The following ECHDC1 variants were observed in gnomAD, a reference collection of about 807,000 sequenced individuals.
The protein encoded by ECHDC1 is ethylmalonyl-CoA decarboxylase 1.
ECHDC1 carries 29 observed loss-of-function variants against 29.7 expected under a neutral mutation model. That is an observed-to-expected ratio of 0.98 (90% confidence interval 0.73 to 1.33). The LOEUF is 1.33. Ranked by LOEUF, ECHDC1 falls within the 40% of genes most tolerant of loss-of-function variation. The probability of loss-of-function intolerance (pLI) is 0.00; values close to 1 mark genes in which losing one functional copy is unlikely to be tolerated. For missense variants in ECHDC1, 328 were observed against 350.0 expected, an observed-to-expected ratio of 0.94 and a Z score of 0.50; for synonymous variants, 126 against 123.1, an observed-to-expected ratio of 1.02 and a Z score of -0.15.
chr6:127,329,002 A>G lies in ECHDC1; in HGVS notation c.220+1807T>C, dbSNP rs1026712033. On this transcript the variant is annotated intron_variant, in intron 2 of 5. Coordinates refer to ENST00000454859, the MANE Select transcript of ECHDC1 (RefSeq NM_001002030.2). Reference sequence around the variant, plus strand: ...AGATCGCGCCACTGCACTCCAGCCTAGGCGACAGAGTGAGACTCCATCTCA... The same window carrying G: ...AGATCGCGCCACTGCACTCCAGCCTGGGCGACAGAGTGAGACTCCATCTCA... 1.1e-4 allele frequency among the ~76,000 whole-genome samples: 17 copies of G among 152,046 alleles called. No individual in the cohort carries two copies. The East Asian group carries it at 2.3e-3, about 21-fold the overall frequency.
intron 5 of ECHDC1, chr6:127,313,655 G>C: frequency 2.2e-6 from 1 of 450,236 alleles, no homozygotes. Context: ...CTTAGCTAGG[G>C]TCAAGTGTAT....
chr6:127,295,026 G>A (rs1026721652), intron 5 of ECHDC1, among the ~76,000 whole-genome samples: 1 of 151,008 alleles, frequency 6.6e-6, no homozygotes, highest in Non-Finnish European at 1.5e-5. Flanking sequence ...TTGGCTCACT[G>A]CAACCTCTGC....
intron 5 of ECHDC1, among the ~76,000 whole-genome samples, chr6:127,299,050 A>AT (rs1780846606): frequency 9.4e-6 from 1 of 105,884 alleles, no homozygotes; most frequent in Non-Finnish European, 2.2e-5. Context: ...TATTTTTTTT[A>AT]TTTTTTGTGT....
At chr6:127,303,472 G>GC (rs1781211049) in intron 5 of ECHDC1, among the ~76,000 whole-genome samples, 1 of 152,174 alleles carries the variant, frequency 6.6e-6, no homozygotes, top group Non-Finnish European at 1.5e-5. Flanking sequence ...ACCAGCCACA[G>GC]CATTTCCTTA....
intron 5 of ECHDC1, among the ~76,000 whole-genome samples, chr6:127,297,584 T>C (rs1322269869): frequency 6.6e-6 from 1 of 152,164 alleles, no homozygotes; most frequent in Non-Finnish European, 1.5e-5. Flanking sequence ...CTTTTTTCCT[T>C]TGTGTGATTA....
intron 1 of ECHDC1, chr6:127,341,541 C>T (rs550875887): frequency 2.0e-5 from 3 of 152,184 alleles, no homozygotes; most frequent in Admixed American, 6.5e-5. Context: ...AAGCTTTCTT[C>T]GGGGTAAAAC....
At chr6:127,306,865 G>A (rs1018550963) in intron 5 of ECHDC1, among the ~76,000 whole-genome samples, 1 of 152,102 alleles carries the variant, frequency 6.6e-6, no homozygotes, top group African/African-American at 2.4e-5. Context: ...TCCAAGAGCT[G>A]GAGAATACAC....
intron 3 of ECHDC1, among the ~76,000 whole-genome samples, chr6:127,324,896 C>T (rs1783178480): frequency 6.6e-6 from 1 of 152,058 alleles, no homozygotes; most frequent in Non-Finnish European, 1.5e-5. Flanking sequence ...AGACCCAAAT[C>T]CCCCTTACAT....
chr6:127,341,070 T>C (rs1583025922), intron 1 of ECHDC1, among the ~76,000 whole-genome samples: 1 of 152,224 alleles, frequency 6.6e-6, no homozygotes, highest in South Asian at 2.1e-4. Flanking sequence ...ATCACTGAAA[T>C]GCCAATTTTT....
chr6:127,306,949 T>C (rs1781489047), intron 5 of ECHDC1, among the ~76,000 whole-genome samples: 1 of 152,146 alleles, frequency 6.6e-6, no homozygotes, highest in Non-Finnish European at 1.5e-5. Context: ...TCTTAAAATA[T>C]TCAAAAAATT....
intron 1 of ECHDC1, among the ~76,000 whole-genome samples, chr6:127,336,954 T>C (rs564826830): frequency 5.3e-5 from 8 of 152,316 alleles, no homozygotes; most frequent in African/African-American, 1.9e-4. Context: ...TGAAACAAAT[T>C]GGTTAACCAC....
intron 1 of ECHDC1, among the ~76,000 whole-genome samples, chr6:127,338,812 C>T (rs1362508368): frequency 6.6e-6 from 1 of 152,052 alleles, no homozygotes; most frequent in Non-Finnish European, 1.5e-5. Flanking sequence ...AGAAAAGAAA[C>T]ACAGATGTGA....
chr6:127,327,235 T>C (rs1219907320), intron 2 of ECHDC1, 91 bp from the exon 3 acceptor site: 1 of 1,366,152 alleles, frequency 7.3e-7, no homozygotes, highest in Non-Finnish European at 1.0e-6. Flanking sequence ...AAGCATACTC[T>C]TAGGTCCTAT....
At chr6:127,307,933 G>C (rs1781582033) in intron 5 of ECHDC1, among the ~76,000 whole-genome samples, 2 of 152,100 alleles carry the variant, frequency 1.3e-5, no homozygotes, top group East Asian at 3.9e-4. Context: ...AACCTACCAA[G>C]ATTGAGTAGG....
chr6:127,337,863 G>A (rs1784571427), intron 1 of ECHDC1, among the ~76,000 whole-genome samples: 2 of 152,202 alleles, frequency 1.3e-5, no homozygotes, highest in African/African-American at 4.8e-5. Context: ...AAGTCTATGA[G>A]AAAAATAGGA....
chr6:127,336,487 G>A (rs991564224), intron 1 of ECHDC1, among the ~76,000 whole-genome samples: 1 of 152,110 alleles, frequency 6.6e-6, no homozygotes. Flanking sequence ...TTCCCAAAGG[G>A]AAGTAAAAGT....
chr6:127,321,505 C>T (rs1223361702), intron 3 of ECHDC1, among the ~76,000 whole-genome samples: 1 of 152,168 alleles, frequency 6.6e-6, no homozygotes, highest in African/African-American at 2.4e-5. Context: ...GGGAACTTTA[C>T]ATAAACTATT....
chr6:127,309,873 T>G (rs1781760638), intron 5 of ECHDC1, among the ~76,000 whole-genome samples: 1 of 152,092 alleles, frequency 6.6e-6, no homozygotes, highest in Admixed American at 6.6e-5. Context: ...CTACACACTT[T>G]TAAACCACCA....
At position 127,309,385 on chromosome 6, in the gene ECHDC1, T is replaced by C. The variant is rs987923682; in HGVS notation, c.497+5431A>G. Among the ~76,000 whole-genome samples the C allele has an allele frequency of 3.9e-5, 6 of 151,996 alleles. No homozygotes were observed. In the South Asian group the frequency reaches 8.3e-4, roughly 21 times the overall value. ...TGATGCTGGGAAAACTGGATATTTA[T>C]ATGCAGAAGAATGAAATTAGACCCC... On this transcript the variant is annotated intron_variant, in intron 5 of 5. Transcript: ENST00000454859.
Sources: gnomAD v4.1 joint callset for allele counts (sites outside exome capture counted in the v4.1 genomes callset) on GRCh38, gnomAD v4.1.1 for gene constraint, MANE v1.5 for transcripts, NCBI Gene and HGNC (gene_info 2026-07-23, HGNC 2026-07-21) for gene names.